The following MYO1B variants were observed in gnomAD, a reference collection of about 807,000 sequenced individuals.
The protein encoded by MYO1B is myosin IB.
Under a neutral mutation model 159.7 loss-of-function variants are expected in MYO1B, and 72 were observed. The observed-to-expected ratio is 0.45, with a 90% confidence interval of 0.37 to 0.55. The LOEUF (loss-of-function observed/expected upper bound fraction) is 0.55, where lower values mean the gene tolerates loss of function less well. Among genes scored for constraint, MYO1B ranks in the 20% least tolerant of loss-of-function variants. MYO1B has a pLI of 0.00. For synonymous variants in MYO1B, 468 were observed against 473.8 expected (o/e 0.99, Z 0.16); for missense variants, 1,062 against 1,364.8 (o/e 0.78, Z 3.50).
Position 191,363,794 on chromosome 2 carries a change from G to A in MYO1B, c.832G>A (p.Val278Met), listed in dbSNP as rs1352121084. Residue 278 changes from valine to methionine, a missense_variant, in exon 10 of 31, where the codon GTG (valine) becomes ATG (methionine). Physicochemically the swap from Val to Met is conservative, Grantham distance 21. Transcript: ENST00000392318. ...GTCTGTCTTGGCGGTGGTGGCAGCA[G>A]TGTTGAAACTGGGGAACATTGAGTT... Reference protein sequence around the residue: ...AESVLAVVAAVLKLGNIEFKP... With the variant: ...AESVLAVVAAMLKLGNIEFKP... 3.1e-6 allele frequency: 5 copies of A among 1,613,936 alleles called. No individual in the cohort carries two copies. The highest frequency in any genetic ancestry group is 2.5e-6 in the Non-Finnish European group (3 of 1,179,958).
At chr2:191,344,865 G>T (rs1375712469) in intron 5 of MYO1B, among the ~76,000 whole-genome samples, 4 of 139,178 alleles carry the variant, frequency 2.9e-5, no homozygotes, top group East Asian at 2.1e-4. Flanking sequence ...TCAAAAACAC[G>T]AAAAAGCCAC....
At chr2:191,297,637 T>C (rs1339571533) in intron 3 of MYO1B, among the ~76,000 whole-genome samples, 1 of 152,168 alleles carries the variant, frequency 6.6e-6, no homozygotes, top group Non-Finnish European at 1.5e-5. Context: ...GTTCAGTAAA[T>C]GTCTTGGTTG....
chr2:191,363,624 T>C (rs1350823063), intron 9 of MYO1B, 104 bp from the exon 10 acceptor site: 1 of 1,408,018 alleles, frequency 7.1e-7, no homozygotes, highest in Non-Finnish European at 9.4e-7. Flanking sequence ...CTTTGTCTTT[T>C]ATGGGTTTTT....
chr2:191,260,268 G>A (rs866584513), intron 1 of MYO1B, among the ~76,000 whole-genome samples: 13 of 19,370 alleles, frequency 6.7e-4, no homozygotes, highest in Non-Finnish European at 6.3e-4. Context: ...TTTTTTTTTT[G>A]AATTAAAGCT....
chr2:191,264,954 G>A (rs1687043138), intron 1 of MYO1B, among the ~76,000 whole-genome samples: 1 of 152,000 alleles, frequency 6.6e-6, no homozygotes, highest in African/African-American at 2.4e-5. Context: ...AGTGTGCCCA[G>A]TGTCTCACTG....
intron 13 of MYO1B, among the ~76,000 whole-genome samples, chr2:191,374,335 T>G (rs1694563031): frequency 1.3e-5 from 2 of 152,236 alleles, no homozygotes; most frequent in South Asian, 4.1e-4. Flanking sequence ...CATGTATTTT[T>G]TTATTTGTTC....
intron 29 of MYO1B, among the ~76,000 whole-genome samples, chr2:191,415,209 A>G (rs1330336205): frequency 6.6e-6 from 1 of 152,198 alleles, no homozygotes; most frequent in Non-Finnish European, 1.5e-5. Context: ...GGGGATAGTA[A>G]GAGTGCCTAC....
chr2:191,344,848 A>AAAT (rs1265738493), intron 5 of MYO1B, among the ~76,000 whole-genome samples: 6 of 151,212 alleles, frequency 4.0e-5, no homozygotes, highest in South Asian at 2.1e-4. Flanking sequence ...AAAAAAAAAA[A>AAAT]AAAGAATCAA....
rs73981570 is a variant in MYO1B at position 191,342,995 on chromosome 2, G to A, written c.451+1430G>A. ...GGAGTAAGGTTTCTCAGCCTCAGCA[G>A]TGTTGGACTGCTTACATGTTGCTGT... On this transcript the variant is annotated intron_variant, in intron 5 of 30. Transcript: ENST00000392318. Among the ~76,000 whole-genome samples the A allele has an allele frequency of 5.5e-3, 840 of 152,314 alleles. 7 individuals are homozygous for A. The highest frequency in any genetic ancestry group is 0.019 in the African/African-American group (803 of 41,554).
At position 191,400,730 on chromosome 2, in the gene MYO1B, C is replaced by G. The variant is rs766604921; in HGVS notation, c.2383-19C>G. The G allele has an allele frequency of 1.5e-5, 24 of 1,612,788 alleles. No homozygotes were observed. Among genetic ancestry groups the G allele is most frequent in the Non-Finnish European group, 1.9e-5 (23 of 1,179,490 alleles). ...CCTGCCTTAAACTTTTCTGTAACTC[C>G]TTTTCAAATGCATCACAGGCACGAA... On this transcript the variant is annotated intron_variant, in intron 22 of 30. Transcript: ENST00000392318.
At position 191,424,039 on chromosome 2, in the gene MYO1B, G is replaced by T. The variant is rs1321834780; in HGVS notation, c.*79G>T. On this transcript the variant is annotated 3_prime_UTR_variant, in exon 31 of 31. Transcript: ENST00000392318. ...GGTTTTGTTTTATTTGGGGTTCATTGTATGTTTGGGAATCACCAAAGGCTT... is the reference window on the plus strand; with the variant it reads ...GGTTTTGTTTTATTTGGGGTTCATTTTATGTTTGGGAATCACCAAAGGCTT... The T allele has an allele frequency of 1.9e-5, 28 of 1,486,584 alleles. No individual in the cohort carries two copies. In the Admixed American group the frequency reaches 5.9e-4, roughly 31 times the overall value. 92.1% of individuals were successfully genotyped at this position (1,486,584 alleles called of 1,614,324 possible). A position where few individuals can be genotyped will look rare whatever the true frequency, so the allele number is the denominator to read the frequency against.
At chr2:191,268,781 T>C (rs1559128603) in intron 1 of MYO1B, among the ~76,000 whole-genome samples, 1 of 152,230 alleles carries the variant, frequency 6.6e-6, no homozygotes, top group Non-Finnish European at 1.5e-5. Flanking sequence ...CACAGCCACC[T>C]GACTGTGGTG....
At chr2:191,264,231 G>A (rs1686989254) in intron 1 of MYO1B, among the ~76,000 whole-genome samples, 1 of 151,960 alleles carries the variant, frequency 6.6e-6, no homozygotes, top group African/African-American at 2.4e-5. Flanking sequence ...AGCTATTTTT[G>A]TTTGATCAAT....
chr2:191,307,011 G>GAAATAATTC (rs1465548003), intron 3 of MYO1B, among the ~76,000 whole-genome samples: 1 of 152,164 alleles, frequency 6.6e-6, no homozygotes, highest in Non-Finnish European at 1.5e-5. Flanking sequence ...TCTTGTGCAA[G>GAAATAATTC]AAATAATTCG....
At chr2:191,351,765 G>A (rs1692941249) in intron 7 of MYO1B, among the ~76,000 whole-genome samples, 1 of 152,320 alleles carries the variant, frequency 6.6e-6, no homozygotes, top group South Asian at 2.1e-4. Context: ...GCGCATGCCT[G>A]TGGTTCCAGC....
intron 3 of MYO1B, among the ~76,000 whole-genome samples, chr2:191,296,776 A>G (rs1391394628): frequency 6.6e-6 from 1 of 152,204 alleles, no homozygotes; most frequent in African/African-American, 2.4e-5. Flanking sequence ...CCTTCACAGT[A>G]CCTGTAGATT....
intron 2 of MYO1B, among the ~76,000 whole-genome samples, chr2:191,286,244 T>A (rs571891208): frequency 3.5e-4 from 54 of 152,172 alleles, no homozygotes; most frequent in Non-Finnish European, 7.1e-4. Context: ...AAGTCTGTTA[T>A]TCACCTTATA....
At chr2:191,337,851 A>G (rs1193894006) in intron 4 of MYO1B, among the ~76,000 whole-genome samples, 1 of 152,134 alleles carries the variant, frequency 6.6e-6, no homozygotes, top group Admixed American at 6.5e-5. Context: ...TCAGAAATGC[A>G]GTTTTTCATT....
intron 1 of MYO1B, among the ~76,000 whole-genome samples, chr2:191,261,982 A>G (rs577948807): frequency 1.2e-4 from 19 of 152,282 alleles, no homozygotes; most frequent in African/African-American, 4.3e-4. Context: ...CAAATTGTCA[A>G]TCCTTATGCA....
Sources: allele counts gnomAD v4.1 joint callset (sites outside exome capture counted in the v4.1 genomes callset), GRCh38; gene constraint gnomAD v4.1.1; transcripts MANE v1.5; gene names NCBI Gene and HGNC (gene_info 2026-07-23, HGNC 2026-07-21).